CTIF: variants seen among roughly 807,000 people sequenced by gnomAD.
CTIF encodes the protein cap binding complex dependent translation initiation factor.
CTIF carries 21 observed loss-of-function variants against 66.0 expected under a neutral mutation model. The ratio of observed to expected loss-of-function variants is 0.32; its 90% CI spans 0.23 to 0.46. CTIF has a LOEUF of 0.46. CTIF is among the 20% of genes least tolerant of loss of function. CTIF has a pLI of 1.00. For missense variants in CTIF, 739 were observed against 812.7 expected (o/e 0.91, Z 1.10); for synonymous variants, 345 against 326.4 (o/e 1.06, Z -0.62).
At chr18:48,803,297 CCA>C (rs1242346192) in intron 9 of CTIF, among the ~76,000 whole-genome samples, 3 of 152,206 alleles carry the variant, frequency 2.0e-5, no homozygotes, top group Non-Finnish European at 4.4e-5. Flanking sequence ...GCATTTCCAG[CCA>C]CAGTGTCATG....
chr18:48,810,278 A>G (rs2068233205), intron 9 of CTIF, among the ~76,000 whole-genome samples: 1 of 152,090 alleles, frequency 6.6e-6, no homozygotes, highest in African/African-American at 2.4e-5. Flanking sequence ...ATTGGATAAC[A>G]TTGGTTTAGA....
At chr18:48,831,660 T>A (rs1038133634) in intron 10 of CTIF, among the ~76,000 whole-genome samples, 8 of 152,312 alleles carry the variant, frequency 5.3e-5, no homozygotes, top group Middle Eastern at 3.4e-3. Flanking sequence ...AGTAACAATA[T>A]AACGTGAGCC....
intron 9 of CTIF, among the ~76,000 whole-genome samples, chr18:48,806,002 A>G (rs1384087889): frequency 6.6e-6 from 1 of 152,156 alleles, no homozygotes; most frequent in East Asian, 1.9e-4. Context: ...TCTAGCAAAA[A>G]GTCAGGTCAT....
chr18:48,859,546 A>AACTGACAG lies in CTIF; in HGVS notation c.1785_1792dup (p.Ala598AspfsTer2). 1 of 1,613,964 alleles carries AACTGACAG rather than the reference A, an allele frequency of 6.2e-7. No homozygotes were observed. Among genetic ancestry groups the AACTGACAG allele is most frequent in the Non-Finnish European group, 8.5e-7 (1 of 1,180,010 alleles). Reference sequence around the variant, plus strand: ...CAGTACTACAACAGAACCATCCAGAAACTGACAGCCTGACAGCCAGGGGGC... The same window carrying AACTGACAG: ...CAGTACTACAACAGAACCATCCAGAAACTGACAGACTGACAGCCTGACAGCCAGGGGGC... On this transcript the variant is annotated frameshift_variant, in exon 12 of 12. Transcript: ENST00000256413. LOFTEE classifies it high-confidence loss of function.
At chr18:48,833,066 G>A (rs1402040572) in intron 10 of CTIF, among the ~76,000 whole-genome samples, 2 of 152,192 alleles carry the variant, frequency 1.3e-5, no homozygotes, top group East Asian at 1.9e-4. Context: ...GATGTGGTTT[G>A]GGCAAGGGGA....
chr18:48,690,672 C>A (rs556604978), intron 6 of CTIF, among the ~76,000 whole-genome samples: 118 of 152,118 alleles, frequency 7.8e-4, no homozygotes, highest in Non-Finnish European at 1.4e-3. Flanking sequence ...GCAGCCCTGG[C>A]GCACCCTGCA....
intron 10 of CTIF, among the ~76,000 whole-genome samples, chr18:48,832,018 A>G (rs1475889012): frequency 1.3e-5 from 2 of 152,076 alleles, no homozygotes; most frequent in Non-Finnish European, 2.9e-5. Flanking sequence ...AAGTAACTGG[A>G]TTCCCAAAGT....
chr18:48,741,388 C>T (rs960171153), intron 7 of CTIF, among the ~76,000 whole-genome samples: 2 of 150,100 alleles, frequency 1.3e-5, no homozygotes, highest in African/African-American at 4.9e-5. Flanking sequence ...CCAGCACTGA[C>T]CTGGCCCACT....
chr18:48,823,757 A>T (rs565430526), intron 10 of CTIF, among the ~76,000 whole-genome samples: 2 of 152,330 alleles, frequency 1.3e-5, no homozygotes, highest in East Asian at 3.9e-4. Context: ...TGCTTTGAAT[A>T]GTGTGAACAT....
chr18:48,782,662 C>T (rs958043370), intron 9 of CTIF, among the ~76,000 whole-genome samples: 3 of 152,176 alleles, frequency 2.0e-5, no homozygotes, highest in African/African-American at 7.2e-5. Flanking sequence ...GTCAGGTGCC[C>T]GAGGCTCTGG....
chr18:48,630,007 A>T (rs539997926), intron 2 of CTIF, among the ~76,000 whole-genome samples: 1 of 152,224 alleles, frequency 6.6e-6, no homozygotes, highest in Non-Finnish European at 1.5e-5. Flanking sequence ...CCCACGGTCA[A>T]CTACAGTCCA....
rs149440554 is a variant in CTIF at position 48,568,997 on chromosome 18, C to T, written c.-29+29685C>T. Among the ~76,000 whole-genome samples, 114 of 152,258 alleles carry T rather than the reference C, an allele frequency of 7.5e-4. 3 individuals are homozygous for T. The South Asian group carries it at 0.016, about 21-fold the overall frequency. Reference sequence around the variant, plus strand: ...GTTGCTCTCTTCTGAGGCCTCTCTCCTTGGCCTGCTGATGGTCACCTTCTT... The same window carrying T: ...GTTGCTCTCTTCTGAGGCCTCTCTCTTTGGCCTGCTGATGGTCACCTTCTT... On this transcript the variant is annotated intron_variant, in intron 1 of 11. Coordinates refer to ENST00000256413, the MANE Select transcript of CTIF (RefSeq NM_014772.3).
intron 9 of CTIF, among the ~76,000 whole-genome samples, chr18:48,798,263 C>A (rs2067973555): frequency 6.6e-6 from 1 of 152,208 alleles, no homozygotes. Flanking sequence ...TGCTAAGCCG[C>A]TCACATTTAA....
chr18:48,691,885 C>G (rs2091930777), intron 6 of CTIF, among the ~76,000 whole-genome samples: 1 of 152,116 alleles, frequency 6.6e-6, no homozygotes, highest in Non-Finnish European at 1.5e-5. Flanking sequence ...GCCATTTTAT[C>G]CTTTTCTTCT....
At chr18:48,598,982 G>A (rs1212835359) in intron 1 of CTIF, among the ~76,000 whole-genome samples, 1 of 152,188 alleles carries the variant, frequency 6.6e-6, no homozygotes, top group Non-Finnish European at 1.5e-5. Flanking sequence ...TGCATGGAGT[G>A]ATCAATGGAT....
At chr18:48,669,585 C>T (rs1170902145) in intron 5 of CTIF, among the ~76,000 whole-genome samples, 14 of 151,774 alleles carry the variant, frequency 9.2e-5, no homozygotes, top group Admixed American at 7.2e-4. Flanking sequence ...TTTGCCTAAA[C>T]AACAGCAACA....
At chr18:48,758,460 T>G (rs778512758) in intron 8 of CTIF, 55 bp downstream of exon 8, 1 of 1,542,518 alleles carries the variant, frequency 6.5e-7, no homozygotes, top group African/African-American at 1.4e-5. Flanking sequence ...CAGCAAGAGG[T>G]AGGCACTTTG....
chr18:48,770,659 TC>T (rs1318807853), intron 9 of CTIF, among the ~76,000 whole-genome samples: 3 of 152,250 alleles, frequency 2.0e-5, no homozygotes, highest in Admixed American at 1.3e-4. Context: ...ATCTCATTTC[TC>T]TAGACAGGAT....
In CTIF at chr18:48,857,405, C is replaced by T. The variant is rs563931200; in HGVS notation, c.1528-183C>T. On this transcript the variant is annotated intron_variant, in intron 10 of 11. Coordinates refer to ENST00000256413, the MANE Select transcript of CTIF (RefSeq NM_014772.3). ...CCCTGTCGGAGAAATCACGGCCACC[C>T]GGCGCAACTGACTTTCTGCTCTCTG... 4.6e-5 allele frequency among the ~76,000 whole-genome samples: 7 copies of T among 152,344 alleles called. No homozygotes were observed. The South Asian group carries it at 1.0e-3, about 23-fold the overall frequency.
Sources: allele counts gnomAD v4.1 joint callset (sites outside exome capture counted in the v4.1 genomes callset), GRCh38; gene constraint gnomAD v4.1.1; transcripts MANE v1.5; gene names NCBI Gene and HGNC (gene_info 2026-07-23, HGNC 2026-07-21).